The following FHIT variants were observed in gnomAD, a reference collection of about 807,000 sequenced individuals.
FHIT encodes the protein bis(5'-adenosyl)-triphosphatase.
Under a neutral mutation model 17.9 loss-of-function variants are expected in FHIT, and 19 were observed. That is an observed-to-expected ratio of 1.06 (90% CI 0.74 to 1.56). FHIT has a LOEUF of 1.56. Ranked by LOEUF, FHIT falls within the 40% of genes most tolerant of loss-of-function variation. FHIT has a pLI of 0.00. For missense variants in FHIT, 248 were observed against 189.2 expected (o/e 1.31, Z -1.82); for synonymous variants, 81 against 69.7 (o/e 1.16, Z -0.81).
intron 5 of FHIT, among the ~76,000 whole-genome samples, chr3:60,279,615 GA>G (rs1435278595): frequency 6.6e-6 from 1 of 151,930 alleles, no homozygotes; most frequent in Non-Finnish European, 1.5e-5. Flanking sequence ...CCCATTAAAA[GA>G]AAGAAAAACT....
At chr3:60,121,624 C>T (rs764321432) in intron 5 of FHIT, among the ~76,000 whole-genome samples, 2 of 152,046 alleles carry the variant, frequency 1.3e-5, no homozygotes, top group African/African-American at 4.8e-5. Context: ...GCGGAGGTGG[C>T]AGTGAGCTGA....
chr3:60,771,411 A>T (rs1369177339), intron 4 of FHIT, among the ~76,000 whole-genome samples: 2 of 152,204 alleles, frequency 1.3e-5, no homozygotes, highest in Non-Finnish European at 2.9e-5. Flanking sequence ...TAGTCATTTC[A>T]AAACAGGAAC....
chr3:60,171,572 G>A (rs538747453), intron 5 of FHIT, among the ~76,000 whole-genome samples: 28 of 152,262 alleles, frequency 1.8e-4, no homozygotes, highest in African/African-American at 6.7e-4. Context: ...GAGTAAAATT[G>A]CCACTTTTCT....
chr3:60,266,390 G>A (rs951721653), intron 5 of FHIT, among the ~76,000 whole-genome samples: 6 of 152,086 alleles, frequency 3.9e-5, no homozygotes, highest in Admixed American at 6.6e-5. Context: ...CCAGGGCCGC[G>A]GAGGGGGCTT....
intron 3 of FHIT, among the ~76,000 whole-genome samples, chr3:60,854,778 T>G (rs1214845000): frequency 6.6e-6 from 1 of 152,128 alleles, no homozygotes; most frequent in East Asian, 1.9e-4. Context: ...AAATGGGTCA[T>G]ACAGTCTTTC....
chr3:60,729,875 C>G lies in FHIT; in HGVS notation c.-18+92044G>C, dbSNP rs115610379. 4.9e-3 allele frequency among the ~76,000 whole-genome samples: 739 copies of G among 152,210 alleles called. 6 individuals carry two copies. The highest frequency in any genetic ancestry group is 0.017 in the African/African-American group (694 of 41,542). ...ATGCCAATCAATTGTCAAATTTTCA[C>G]TATGACTTTCCTAAAAAGGTGTTTT... is the stretch of plus-strand genomic sequence containing the variant. On this transcript the variant is annotated intron_variant, in intron 4 of 9. Transcript: ENST00000492590.
At chr3:60,287,359 G>T (rs1250379647) in intron 5 of FHIT, among the ~76,000 whole-genome samples, 2 of 152,006 alleles carry the variant, frequency 1.3e-5, no homozygotes, top group African/African-American at 4.8e-5. Context: ...AGTAGAGACG[G>T]GCTTTCACCA....
chr3:60,454,453 C>T lies in FHIT; in HGVS notation c.103+82407G>A, dbSNP rs1182019095. On this transcript the variant is annotated intron_variant, in intron 5 of 9. Coordinates refer to ENST00000492590, the MANE Select transcript of FHIT (RefSeq NM_002012.4). ...AGGCTGGAGTGCACTCGCATGATCT[C>T]GGCTCACTGCAACCTCCACCTCCTG... 5.3e-5 allele frequency among the ~76,000 whole-genome samples: 8 copies of T among 151,404 alleles called. No individual in the cohort carries two copies. The East Asian group carries it at 7.8e-4, about 15-fold the overall frequency.
chr3:60,698,117 T>C (rs1320517947), intron 4 of FHIT, among the ~76,000 whole-genome samples: 1 of 152,182 alleles, frequency 6.6e-6, no homozygotes, highest in Non-Finnish European at 1.5e-5. Context: ...ACAATTAAAT[T>C]ATTTGTAAAA....
intron 3 of FHIT, among the ~76,000 whole-genome samples, chr3:60,952,179 C>CCAA (rs1491234247): frequency 9.7e-6 from 1 of 103,284 alleles, no homozygotes; most frequent in African/African-American, 3.4e-5. Context: ...ACCCCCCCCC[C>CCAA]AAAAAAAAAA....
At chr3:60,345,924 A>T (rs575418446) in intron 5 of FHIT, among the ~76,000 whole-genome samples, 1 of 152,362 alleles carries the variant, frequency 6.6e-6, no homozygotes, top group African/African-American at 2.4e-5. Flanking sequence ...TTACTTGAAG[A>T]TGCATTGGTA....
chr3:60,625,540 T>C (rs1269131703), intron 4 of FHIT, among the ~76,000 whole-genome samples: 1 of 152,324 alleles, frequency 6.6e-6, no homozygotes, highest in South Asian at 2.1e-4. Context: ...TATGGGCTTA[T>C]TGGTCATCTG....
intron 3 of FHIT, among the ~76,000 whole-genome samples, chr3:60,932,213 G>A (rs1553771966): frequency 6.6e-6 from 1 of 152,126 alleles, no homozygotes; most frequent in East Asian, 1.9e-4. Context: ...TCTGAGGTAG[G>A]TATTACTATG....
Position 60,070,722 on chromosome 3 carries a change from A to G in FHIT, c.104-56570T>C, listed in dbSNP as rs1252145145. Among the ~76,000 whole-genome samples, 7 of 152,220 alleles carry G rather than the reference A, an allele frequency of 4.6e-5. No individual in the cohort carries two copies. In the East Asian group the frequency reaches 1.3e-3, roughly 29 times the overall value. Reference sequence around the variant, plus strand: ...GCGAGGCAGGGTGCCTCTGTTCAATATAAGGATATAGTCCATGAGACAGAA... The same window carrying G: ...GCGAGGCAGGGTGCCTCTGTTCAATGTAAGGATATAGTCCATGAGACAGAA... On this transcript the variant is annotated intron_variant, in intron 5 of 9. Coordinates refer to ENST00000492590, the MANE Select transcript of FHIT (RefSeq NM_002012.4).
At chr3:60,425,630 A>T (rs1225388022) in intron 5 of FHIT, among the ~76,000 whole-genome samples, 1 of 152,134 alleles carries the variant, frequency 6.6e-6, no homozygotes, top group Non-Finnish European at 1.5e-5. Context: ...CAGAACTATG[A>T]TGTATTCATC....
chr3:60,207,233 T>C (rs1703239227), intron 5 of FHIT, among the ~76,000 whole-genome samples: 2 of 152,058 alleles, frequency 1.3e-5, no homozygotes, highest in South Asian at 4.2e-4. Flanking sequence ...AAAGTCAATA[T>C]AAAAATTTAG....
At chr3:60,283,619 C>A (rs895355044) in intron 5 of FHIT, among the ~76,000 whole-genome samples, 26 of 152,018 alleles carry the variant, frequency 1.7e-4, no homozygotes, top group Admixed American at 6.6e-4. Context: ...AAATGTTTTT[C>A]TTCTACTCTA....
At chr3:59,964,548 T>C (rs1188041710) in intron 7 of FHIT, among the ~76,000 whole-genome samples, 1 of 152,066 alleles carries the variant, frequency 6.6e-6, no homozygotes, top group South Asian at 2.1e-4. Context: ...GGAAGTTTCA[T>C]CCACTAGAGG....
chr3:60,439,773 T>C (rs2107323643), intron 5 of FHIT, among the ~76,000 whole-genome samples: 1 of 152,208 alleles, frequency 6.6e-6, no homozygotes, highest in African/African-American at 2.4e-5. Context: ...GCATATATCA[T>C]TTTAGAACGG....
Sources: gnomAD v4.1 joint callset for allele counts (sites outside exome capture counted in the v4.1 genomes callset) on GRCh38, gnomAD v4.1.1 for gene constraint, MANE v1.5 for transcripts, NCBI Gene and HGNC (gene_info 2026-07-23, HGNC 2026-07-21) for gene names.